The following DNM1L variants were observed in gnomAD, a reference collection of about 807,000 sequenced individuals.
The protein encoded by DNM1L is dynamin-1-like protein.
In DNM1L, 33 loss-of-function variants were observed where a neutral mutation model predicts 92.8. The ratio of observed to expected loss-of-function variants is 0.36; its 90% CI spans 0.27 to 0.48. DNM1L has a LOEUF of 0.48. Among genes scored for constraint, DNM1L ranks in the 20% least tolerant of loss-of-function variants. DNM1L has a pLI of 0.99. For missense variants in DNM1L, 485 were observed against 888.8 expected, an observed-to-expected ratio of 0.55 and a Z score of 5.78; for synonymous variants, 284 against 305.0, an observed-to-expected ratio of 0.93 and a Z score of 0.72.
chr12:32,720,233 G>T (rs1953744265), intron 7 of DNM1L, among the ~76,000 whole-genome samples: 1 of 152,152 alleles, frequency 6.6e-6, no homozygotes, highest in Non-Finnish European at 1.5e-5. Flanking sequence ...TTCGTTGTTT[G>T]TAGATGATTG....
chr12:32,737,203 T>C, intron 14 of DNM1L, 42 bp downstream of exon 14: 2 of 1,597,532 alleles, frequency 1.3e-6, no homozygotes, highest in East Asian at 2.2e-5. Context: ...TACCTAAAGA[T>C]AGATTGATGA....
At chr12:32,737,623 C>A in intron 14 of DNM1L, 1 of 485,488 alleles carries the variant, frequency 2.1e-6, no homozygotes, top group Non-Finnish European at 3.7e-6. Flanking sequence ...TTATTAAATA[C>A]CAAAAATAAA....
In DNM1L at chr12:32,722,586, T is replaced by C. The variant is rs1953857008; in HGVS notation, c.1032T>C (p.Tyr344=). ...LQLITKFATE[Y]CNTIEGTAKY... is the part of the protein sequence containing the mutation. The stretch of plus-strand genomic sequence containing the variant: ...TTATTACCAAATTTGCCACAGAATA[T>C]TGTAACACTATTGAAGGAACTGCAA... Residue 344 remains tyrosine (Y), a synonymous_variant, in exon 9 of 20, where the codon TAT becomes TAC. Coordinates refer to ENST00000549701, the MANE Select transcript of DNM1L (RefSeq NM_012062.5). The C allele has an allele frequency of 1.9e-6, 3 of 1,613,126 alleles. No homozygotes were observed. The highest frequency in any genetic ancestry group is 1.8e-4 in the Middle Eastern group (1 of 5,474).
rs772049037 is a variant in DNM1L, at chr12:32,738,304, T to C, written c.1707+8T>C. 2 of 1,613,466 alleles carry C rather than the reference T, an allele frequency of 1.2e-6. No individual in the cohort carries two copies. Among genetic ancestry groups the C allele is most frequent in the Non-Finnish European group, 1.7e-6 (2 of 1,179,700 alleles). ...AGAAGAGAAACTAAAAATGTGAGTC[T>C]CTTGCTTCAGAATGGAAATGTTGGT... is the stretch of plus-strand genomic sequence containing the variant. On this transcript the variant is annotated splice_region_variant and intron_variant, in intron 16 of 19. Transcript: ENST00000549701.
chr12:32,742,685 T>G lies in DNM1L; in HGVS notation c.2091T>G (p.Asp697Glu), dbSNP rs772887555. Residue 697 changes from aspartate (D) to glutamate (E), a missense_variant, in exon 19 of 20, where the codon GAT (aspartate) becomes GAG (glutamate). This residue lies in a region of DNM1L where 133 missense variants were observed against 210.9 expected (regional missense o/e 0.63). Transcript: ENST00000549701. ...AGCTGTATAAATCATCCTTATTGGA[T>G]GATCTTCTGACAGAATCTGAGGACA... ...VGQLYKSSLL[D>E]DLLTESEDMA... 5.0e-6 allele frequency: 8 copies of G among 1,614,150 alleles called. No individual in the cohort carries two copies. Among genetic ancestry groups the G allele is most frequent in the Non-Finnish European group, 6.8e-6 (8 of 1,180,028 alleles).
At chr12:32,691,200 G>C (rs923701986) in intron 1 of DNM1L, among the ~76,000 whole-genome samples, 4 of 152,026 alleles carry the variant, frequency 2.6e-5, no homozygotes, top group Non-Finnish European at 4.4e-5. Context: ...TCCTCTTCTT[G>C]TAAGAATGTC....
chr12:32,724,449 G>T (rs1037716474), intron 9 of DNM1L, among the ~76,000 whole-genome samples: 14 of 151,120 alleles, frequency 9.3e-5, no homozygotes, highest in Admixed American at 2.0e-4. Flanking sequence ...GGTGGCACGT[G>T]CCTGTAATCC....
At position 32,740,781 on chromosome 12, in the gene DNM1L, G is replaced by T. The variant is rs67335394; in HGVS notation, c.1994+263G>T. 0.11 allele frequency among the ~76,000 whole-genome samples: 16,708 copies of T among 152,148 alleles called. 1,117 individuals carry two copies. Among genetic ancestry groups the T allele is most frequent in the Middle Eastern group, 0.19 (56 of 294 alleles). On this transcript the variant is annotated intron_variant, in intron 18 of 19. Coordinates refer to ENST00000549701, the MANE Select transcript of DNM1L (RefSeq NM_012062.5). Reference sequence around the variant, plus strand: ...GGCTGCCACATTTTGAGTCATTTAAGAAAATCTTTTTCCTAAATTTTAATT... The same window carrying T: ...GGCTGCCACATTTTGAGTCATTTAATAAAATCTTTTTCCTAAATTTTAATT...
chr12:32,683,089 C>T (rs991743989), intron 1 of DNM1L, among the ~76,000 whole-genome samples: 3 of 152,154 alleles, frequency 2.0e-5, no homozygotes, highest in Non-Finnish European at 4.4e-5. Context: ...ATATAGGTAT[C>T]CGAATACAGA....
At chr12:32,689,183 G>A (rs2137238903) in intron 1 of DNM1L, among the ~76,000 whole-genome samples, 1 of 150,574 alleles carries the variant, frequency 6.6e-6, no homozygotes, top group Admixed American at 6.6e-5. Context: ...TAGAAACATT[G>A]TAGTTTAGCT....
chr12:32,731,246 TGAAATTAAAAA>T lies in DNM1L; in HGVS notation c.1201-108_1201-98del. On this transcript the variant is annotated intron_variant, in intron 10 of 19. Coordinates refer to ENST00000549701, the MANE Select transcript of DNM1L (RefSeq NM_012062.5). The surrounding 1 kb of genome is among the most constrained non-coding windows in gnomAD (Gnocchi z 5.1). ...ATACAGTTTATTTTGCTCTCATATT[TGAAATTAAAAA>T]GCATTTTTCATGAAAAGTACCAAAA... The T allele has an allele frequency of 6.3e-7, 1 of 1,587,214 alleles. No individual in the cohort carries two copies.
chr12:32,698,612 T>C lies in DNM1L; in HGVS notation c.103-2803T>C, dbSNP rs1441741997. On this transcript the variant is annotated intron_variant, in intron 1 of 19. Transcript: ENST00000549701. ...CCCTGTCTGACATAACTGATGAAATTAGGACTTTTGCATTTGTAGAAAATA... is the reference window on the plus strand; with the variant it reads ...CCCTGTCTGACATAACTGATGAAATCAGGACTTTTGCATTTGTAGAAAATA... 5.3e-5 allele frequency among the ~76,000 whole-genome samples: 8 copies of C among 152,266 alleles called. No individual in the cohort carries two copies. In the South Asian group the frequency reaches 1.5e-3, roughly 28 times the overall value.
chr12:32,686,867 G>A (rs1213141083), intron 1 of DNM1L, among the ~76,000 whole-genome samples: 1 of 151,704 alleles, frequency 6.6e-6, no homozygotes. Context: ...AATGACTAAT[G>A]GTGTTGAACA....
chr12:32,737,337 T>TA, intron 14 of DNM1L, 176 bp downstream of exon 14: 1 of 605,058 alleles, frequency 1.7e-6, no homozygotes. Context: ...TTAAAGATAA[T>TA]AGTATTTTGA....
At chr12:32,696,644 T>A (rs1250743334) in intron 1 of DNM1L, among the ~76,000 whole-genome samples, 3 of 149,346 alleles carry the variant, frequency 2.0e-5, no homozygotes, top group East Asian at 4.0e-4. Flanking sequence ...CTTTTTTTTT[T>A]AAAGACAGGT....
At position 32,745,358 on chromosome 12, in the gene DNM1L, A is replaced by C. The variant is rs1288220600; in HGVS notation, c.*1948A>C. 4.4e-6 allele frequency: 1 copy of C among 227,244 alleles called. No homozygotes were observed. Among genetic ancestry groups the C allele is most frequent in the Non-Finnish European group, 8.6e-6 (1 of 116,060 alleles). The allele number at this position is 227,244 out of a possible 1,614,324, so 14.1% of individuals were successfully genotyped here. A position where few individuals can be genotyped will look rare whatever the true frequency, so the allele number is the denominator to read the frequency against. Reference sequence around the variant, plus strand: ...AGATTTCAAATTGAAAATTAAAGACATGCTATGGTAATGCACTTGCTAGTA... The same window carrying C: ...AGATTTCAAATTGAAAATTAAAGACCTGCTATGGTAATGCACTTGCTAGTA... On this transcript the variant is annotated 3_prime_UTR_variant, in exon 20 of 20. Transcript: ENST00000549701.
intron 9 of DNM1L, chr12:32,726,451 C>G: frequency 1.5e-6 from 2 of 1,300,636 alleles, no homozygotes; most frequent in Non-Finnish European, 1.1e-6. Flanking sequence ...TCCTCATCTC[C>G]TTTGTCCTCT....
chr12:32,680,446 AGAAGGAACTTACT>A (rs751113521), intron 1 of DNM1L, among the ~76,000 whole-genome samples: 10 of 152,348 alleles, frequency 6.6e-5, no homozygotes, highest in Non-Finnish European at 1.3e-4. Flanking sequence ...AAGTGCTATC[AGAAGGAACTTACT>A]GTTCAAAGTA....
In DNM1L at chr12:32,731,567, T is replaced by C; in HGVS notation, c.1356+56T>C. ...TGAACTAGAAAAGGACATGAAGTGG[T>C]GGTTTCACTGGGTGGAAGGAAATGT... On this transcript the variant is annotated intron_variant, in intron 11 of 19. Coordinates refer to ENST00000549701, the MANE Select transcript of DNM1L (RefSeq NM_012062.5). The surrounding 1 kb of genome is among the most constrained non-coding windows in gnomAD (Gnocchi z 5.1). 1 of 1,603,420 alleles carries C rather than the reference T, an allele frequency of 6.2e-7. No individual in the cohort carries two copies. The highest frequency in any genetic ancestry group is 1.1e-5 in the South Asian group (1 of 90,720).
Sources: allele counts gnomAD v4.1 joint callset (sites outside exome capture counted in the v4.1 genomes callset), GRCh38; gene constraint gnomAD v4.1.1; regional missense constraint gnomAD v4.1.1; non-coding constraint Gnocchi (gnomAD v3.1); transcripts MANE v1.5; gene names NCBI Gene and HGNC (gene_info 2026-07-23, HGNC 2026-07-21).